AHCY: variants seen among roughly 807,000 people sequenced by gnomAD.
AHCY encodes adenosylhomocysteinase.
Under a neutral mutation model 45.4 loss-of-function variants are expected in AHCY, and 24 were observed. That is an observed-to-expected ratio of 0.53 (90% CI 0.38 to 0.74). AHCY has a LOEUF of 0.74. Ranked by LOEUF, AHCY falls within the 30% of genes least tolerant of loss-of-function variation. AHCY has a pLI of 0.00. For synonymous variants in AHCY, 245 were observed against 235.1 expected (o/e 1.04, Z -0.39); for missense variants, 449 against 594.1 (o/e 0.76, Z 2.54).
chr20:34,233,426 T>C, the AHCY span, among the ~76,000 whole-genome samples: 1 of 152,074 alleles, frequency 6.6e-6, no homozygotes, highest in Non-Finnish European at 1.5e-5. Context: ...GGATTACAGG[T>C]GTGAGCCACC....
chr20:34,258,452 C>G, the AHCY span, among the ~76,000 whole-genome samples: 1 of 149,572 alleles, frequency 6.7e-6, no homozygotes, highest in African/African-American at 2.5e-5. Context: ...GTACTGTAGT[C>G]ACTCATTTGG....
exon 1 of AHCY, chr20:34,311,696 G>T (rs2036950829): frequency 6.6e-6 from 1 of 152,578 alleles, no homozygotes; most frequent in African/African-American, 2.4e-5. Flanking sequence ...GAGAAAGCCC[G>T]CTGATGGGGA....
At chr20:34,262,285 T>C in the AHCY span, among the ~76,000 whole-genome samples, 1 of 152,240 alleles carries the variant, frequency 6.6e-6, no homozygotes, top group Non-Finnish European at 1.5e-5. Flanking sequence ...TGGAACCTTT[T>C]TTGCAGATGA....
the AHCY span, among the ~76,000 whole-genome samples, chr20:34,239,224 A>C: frequency 6.7e-6 from 1 of 149,568 alleles, no homozygotes; most frequent in Non-Finnish European, 1.5e-5. Context: ...TCCCAACCCC[A>C]TGTTCAAATA....
At chr20:34,298,758 C>T (rs904156447) in intron 1 of AHCY, among the ~76,000 whole-genome samples, 1 of 152,174 alleles carries the variant, frequency 6.6e-6, no homozygotes, top group Non-Finnish European at 1.5e-5. Context: ...AGTGGTCACA[C>T]TCCTAGTCTG....
At chr20:34,291,002 G>A in intron 5 of AHCY, 64 bp from the exon 6 acceptor site, 1 of 1,542,790 alleles carries the variant, frequency 6.5e-7, no homozygotes, top group South Asian at 1.1e-5. Flanking sequence ...GGACAACTTG[G>A]CCTCAGAGTA....
the AHCY span, among the ~76,000 whole-genome samples, chr20:34,232,838 C>T: frequency 6.6e-6 from 1 of 152,232 alleles, no homozygotes; most frequent in South Asian, 2.1e-4. Context: ...ACTGGTTTGA[C>T]AAACCCAGCA....
chr20:34,298,522 TA>T (rs1221114263), intron 1 of AHCY, among the ~76,000 whole-genome samples: 1 of 148,920 alleles, frequency 6.7e-6, no homozygotes, highest in African/African-American at 2.5e-5. Context: ...AGACGCCCGT[TA>T]CCAGGCGGAT....
intron 1 of AHCY, among the ~76,000 whole-genome samples, chr20:34,311,080 A>C (rs2036942909): frequency 6.6e-6 from 1 of 152,220 alleles, no homozygotes; most frequent in Non-Finnish European, 1.5e-5. Context: ...AGATTGTGCC[A>C]CTGCACTCTA....
intron 1 of AHCY, 108 bp from the exon 2 acceptor site, chr20:34,295,693 C>T: frequency 8.9e-7 from 1 of 1,125,350 alleles, no homozygotes; most frequent in Non-Finnish European, 1.3e-6. Context: ...CACACTAGGG[C>T]TTAGCACTCT....
Position 34,280,947 on chromosome 20 carries a change from C to A in AHCY, c.*87G>T. On this transcript the variant is annotated 3_prime_UTR_variant, in exon 10 of 10. Transcript: ENST00000217426. Reference sequence around the variant, plus strand: ...CGATGGGGGACACTGACAAACCAATCACAAAGTTGGTGCCATTAGCTCTTA... The same window carrying A: ...CGATGGGGGACACTGACAAACCAATAACAAAGTTGGTGCCATTAGCTCTTA... The A allele has an allele frequency of 1.0e-5, 16 of 1,586,446 alleles. No individual in the cohort carries two copies. Among genetic ancestry groups the A allele is most frequent in the Non-Finnish European group, 1.3e-5 (15 of 1,164,872 alleles).
the AHCY span, chr20:34,260,338 C>T: frequency 6.3e-7 from 1 of 1,598,842 alleles, no homozygotes; most frequent in Non-Finnish European, 8.5e-7. Flanking sequence ...GACCCACCCA[C>T]CTGACCACCT....
intron 9 of AHCY, among the ~76,000 whole-genome samples, chr20:34,282,497 T>C (rs890612105): frequency 7.9e-5 from 12 of 152,190 alleles, no homozygotes; most frequent in African/African-American, 2.9e-4. Flanking sequence ...CCAGTAAGTC[T>C]GGGGGTTAGA....
chr20:34,253,191 T>A, the AHCY span, among the ~76,000 whole-genome samples: 317 of 151,742 alleles, frequency 2.1e-3, 3 homozygotes, highest in African/African-American at 7.5e-3. Context: ...CTGCAAGCTC[T>A]GCCTCTTGGG....
At chr20:34,235,851 A>AG in the AHCY span, among the ~76,000 whole-genome samples, 1 of 47,412 alleles carries the variant, frequency 2.1e-5, no homozygotes, top group African/African-American at 2.7e-4. Flanking sequence ...GAAGGAAGGA[A>AG]GGAAGGAAGG....
downstream of AHCY, among the ~76,000 whole-genome samples, chr20:34,276,395 G>A (rs954267956): frequency 7.9e-5 from 12 of 152,114 alleles, no homozygotes; most frequent in Non-Finnish European, 1.6e-4. Flanking sequence ...AGGTCCCCAC[G>A]AGAGACAGGT....
At chr20:34,287,414 G>A (rs542425921) in intron 8 of AHCY, among the ~76,000 whole-genome samples, 42 of 144,846 alleles carry the variant, frequency 2.9e-4, no homozygotes, top group African/African-American at 1.1e-3. Context: ...TTTCTGAGAC[G>A]GAGTCTTACT....
chr20:34,303,552 G>A (rs1387236257), upstream of AHCY, among the ~76,000 whole-genome samples: 1 of 152,248 alleles, frequency 6.6e-6, no homozygotes. Context: ...AGGCCTGAGA[G>A]CCAGCCGGGC....
intron 1 of AHCY, chr20:34,302,126 G>A (rs1601687207): frequency 7.9e-6 from 3 of 377,818 alleles, no homozygotes; most frequent in East Asian, 1.6e-4. Context: ...TCAGCCTCCC[G>A]AGTAGCTGGG....
Sources: gnomAD v4.1 joint callset for allele counts (sites outside exome capture counted in the v4.1 genomes callset) on GRCh38, gnomAD v4.1.1 for gene constraint, MANE v1.5 for transcripts, NCBI Gene and HGNC (gene_info 2026-07-23, HGNC 2026-07-21) for gene names.